Variants in CNTN4 observed in about 807,000 individuals in gnomAD.
CNTN4 encodes contactin 4, also known as contactin-4.
A neutral mutation model predicts 122.5 loss-of-function variants in CNTN4; 77 were observed. That is an observed-to-expected ratio of 0.63 (90% CI 0.52 to 0.76). The LOEUF is 0.76. Ranked by LOEUF, CNTN4 falls within the 30% of genes least tolerant of loss-of-function variation. The pLI is 0.00. For missense variants in CNTN4, 1,256 were observed against 1,259.1 expected, an observed-to-expected ratio of 1.00 and a Z score of 0.04; for synonymous variants, 512 against 447.0, an observed-to-expected ratio of 1.15 and a Z score of -1.83.
intron 3 of CNTN4, among the ~76,000 whole-genome samples, chr3:2,431,765 T>C (rs2048081644): frequency 6.6e-6 from 1 of 152,290 alleles, no homozygotes; most frequent in East Asian, 1.9e-4. Flanking sequence ...TACAGGAAAT[T>C]AGAAAATCTT....
At chr3:2,899,315 G>C (rs1432596127) in intron 10 of CNTN4, among the ~76,000 whole-genome samples, 1 of 152,192 alleles carries the variant, frequency 6.6e-6, no homozygotes, top group Non-Finnish European at 1.5e-5. Flanking sequence ...GTTGAGTGAA[G>C]ATACTGAGGT....
At chr3:2,264,489 T>A (rs963404088) in intron 2 of CNTN4, among the ~76,000 whole-genome samples, 3 of 152,118 alleles carry the variant, frequency 2.0e-5, no homozygotes, top group Admixed American at 2.0e-4. Context: ...TTGAGTTGTT[T>A]GGGTTTCTCA....
intron 6 of CNTN4, among the ~76,000 whole-genome samples, chr3:2,766,929 G>A (rs1027272373): frequency 6.6e-6 from 1 of 152,140 alleles, no homozygotes; most frequent in Non-Finnish European, 1.5e-5. Flanking sequence ...GAAGCTAAAG[G>A]TGGAAAGTGA....
At chr3:2,771,096 C>T (rs955505037) in intron 6 of CNTN4, among the ~76,000 whole-genome samples, 94 of 152,164 alleles carry the variant, frequency 6.2e-4, no homozygotes, top group Non-Finnish European at 7.3e-5. Context: ...AAAGTCAGCA[C>T]TTAAAGCAAA....
At chr3:2,812,107 A>C (rs936374135) in intron 6 of CNTN4, among the ~76,000 whole-genome samples, 4 of 152,180 alleles carry the variant, frequency 2.6e-5, no homozygotes, top group Admixed American at 6.5e-5. Flanking sequence ...GGAACACCAC[A>C]CACTGGGGCC....
chr3:2,820,961 C>CTTTTTTTT (rs67731967), intron 7 of CNTN4, among the ~76,000 whole-genome samples: 13,452 of 106,548 alleles, frequency 0.13, 1,306 homozygotes, highest in Non-Finnish European at 0.17. Context: ...TTTTCTCTTT[C>CTTTTTTTT]TTTTTTTTTT....
At chr3:2,814,744 A>G (rs2092689837) in intron 6 of CNTN4, among the ~76,000 whole-genome samples, 1 of 152,234 alleles carries the variant, frequency 6.6e-6, no homozygotes, top group Admixed American at 6.5e-5. Context: ...TTGGAGAGAG[A>G]CAAAACATGA....
At chr3:2,216,805 T>C (rs938264405) in intron 2 of CNTN4, among the ~76,000 whole-genome samples, 1 of 152,138 alleles carries the variant, frequency 6.6e-6, no homozygotes, top group Non-Finnish European at 1.5e-5. Flanking sequence ...CCTCACTCCA[T>C]AGTTACGGCC....
At chr3:2,687,238 G>T (rs1035673859) in intron 4 of CNTN4, among the ~76,000 whole-genome samples, 1 of 152,272 alleles carries the variant, frequency 6.6e-6, no homozygotes, top group African/African-American at 2.4e-5. Flanking sequence ...GCCTAAAGCT[G>T]AGCAGACATT....
rs1286561995 is a variant in CNTN4, at chr3:2,282,349, G to GTATATATGT, written c.-144-56829_-144-56828insTATATATGT. ...TTCCTTAAAATAAGCATATATAAAT[G>GTATATATGT]ACCTTTAATGTATACAGCATGCATT... On this transcript the variant is annotated intron_variant, in intron 2 of 24. Transcript: ENST00000418658. Among the ~76,000 whole-genome samples the GTATATATGT allele has an allele frequency of 2.9e-4, 43 of 150,414 alleles. 1 individual carries two copies. In the South Asian group the frequency reaches 8.3e-3, roughly 29 times the overall value.
intron 2 of CNTN4, among the ~76,000 whole-genome samples, chr3:2,214,896 G>T (rs1559348454): frequency 6.6e-6 from 1 of 152,126 alleles, no homozygotes; most frequent in Non-Finnish European, 1.5e-5. Context: ...GTTTTGCAAA[G>T]AAGAAAATAC....
intron 13 of CNTN4, 59 bp downstream of exon 13, chr3:2,925,838 AT>A: frequency 6.8e-7 from 1 of 1,460,298 alleles, no homozygotes; most frequent in Non-Finnish European, 9.6e-7. Context: ...TTGGTCTGTT[AT>A]TAATAATTCT....
intron 3 of CNTN4, among the ~76,000 whole-genome samples, chr3:2,552,986 C>T (rs557067834): frequency 1.6e-4 from 25 of 152,212 alleles, no homozygotes; most frequent in Admixed American, 1.4e-3. Flanking sequence ...GACCATTTGA[C>T]CTCCTTGGCA....
intron 4 of CNTN4, among the ~76,000 whole-genome samples, chr3:2,595,610 G>C (rs1164498954): frequency 6.6e-6 from 1 of 152,164 alleles, no homozygotes; most frequent in Non-Finnish European, 1.5e-5. Flanking sequence ...GAGACCCTCA[G>C]GCGCTGTGGG....
chr3:2,889,035 G>T (rs564022277), intron 10 of CNTN4, among the ~76,000 whole-genome samples: 1 of 151,344 alleles, frequency 6.6e-6, no homozygotes. Flanking sequence ...GGGAGGGAGG[G>T]AGGGAAAGGG....
chr3:2,217,260 G>T (rs1156532677), intron 2 of CNTN4, among the ~76,000 whole-genome samples: 1 of 152,138 alleles, frequency 6.6e-6, no homozygotes, highest in African/African-American at 2.4e-5. Context: ...CTAGAAGGTT[G>T]TCCTTTATTT....
chr3:2,803,384 A>G (rs1005175256), intron 6 of CNTN4, among the ~76,000 whole-genome samples: 2 of 152,196 alleles, frequency 1.3e-5, no homozygotes, highest in Non-Finnish European at 1.5e-5. Flanking sequence ...TTATAAATCT[A>G]AACTTGTATT....
rs1014840340 is a variant in CNTN4 at position 2,297,847 on chromosome 3, C to T, written c.-144-41331C>T. Among the ~76,000 whole-genome samples the T allele has an allele frequency of 2.0e-5, 3 of 152,180 alleles. No homozygotes were observed. In the South Asian group the frequency reaches 6.2e-4, roughly 31 times the overall value. On this transcript the variant is annotated intron_variant, in intron 2 of 24. Coordinates refer to ENST00000418658, the MANE Select transcript of CNTN4 (RefSeq NM_175607.3). ...TTGGGCTCAAGCAGTCCTCCCATCT[C>T]AGCCTCCTGAGTAGCTGGGACCAGA...
At chr3:2,352,358 G>A (rs745479519) in intron 3 of CNTN4, among the ~76,000 whole-genome samples, 32 of 152,174 alleles carry the variant, frequency 2.1e-4, no homozygotes, top group South Asian at 4.1e-4. Flanking sequence ...GGCCGAGGCC[G>A]GAACCGGCTC....
Sources: allele counts gnomAD v4.1 joint callset (sites outside exome capture counted in the v4.1 genomes callset), GRCh38; gene constraint gnomAD v4.1.1; transcripts MANE v1.5; gene names NCBI Gene and HGNC (gene_info 2026-07-23, HGNC 2026-07-21).